Variants in DLGAP2 observed in about 807,000 individuals in gnomAD.
DLGAP2 encodes DLG associated protein 2, also known as disks large-associated protein 2.
Under a neutral mutation model 100.3 loss-of-function variants are expected in DLGAP2, and 26 were observed. The observed-to-expected ratio is 0.26, with a 90% CI of 0.19 to 0.36. DLGAP2 has a LOEUF of 0.36. Ranked by LOEUF, DLGAP2 falls within the 10% of genes least tolerant of loss-of-function variation. The pLI, the probability that DLGAP2 is intolerant of heterozygous loss-of-function variation, is 1.00. For synonymous variants in DLGAP2, 886 were observed against 630.1 expected (o/e 1.41, Z -6.08); for missense variants, 1,858 against 1,453.2 (o/e 1.28, Z -4.53).
chr8:1,245,680 A>G (rs1798887727), intron 2 of DLGAP2, among the ~76,000 whole-genome samples: 1 of 152,210 alleles, frequency 6.6e-6, no homozygotes, highest in Admixed American at 6.5e-5. Context: ...CAGCTCTGTG[A>G]GTATGCTATT....
At chr8:1,436,189 C>T (rs896831551) in intron 3 of DLGAP2, among the ~76,000 whole-genome samples, 65 of 152,248 alleles carry the variant, frequency 4.3e-4, no homozygotes, top group African/African-American at 1.3e-3. Context: ...GAAGCCAGTC[C>T]GAGGCCCAAA....
chr8:1,526,706 G>A (rs1219017743), intron 4 of DLGAP2, among the ~76,000 whole-genome samples: 1 of 152,192 alleles, frequency 6.6e-6, no homozygotes, highest in Non-Finnish European at 1.5e-5. Flanking sequence ...GAGGTTGCCA[G>A]GTATCCAGCC....
chr8:797,529 C>A (rs1037341459), intron 1 of DLGAP2, among the ~76,000 whole-genome samples: 1 of 152,112 alleles, frequency 6.6e-6, no homozygotes, highest in Admixed American at 6.6e-5. Flanking sequence ...TGAAGTCTTT[C>A]CATAGACATT....
chr8:1,270,975 A>G (rs979932192), intron 3 of DLGAP2, among the ~76,000 whole-genome samples: 2 of 152,196 alleles, frequency 1.3e-5, no homozygotes, highest in South Asian at 2.1e-4. Flanking sequence ...ACGTGTTGCA[A>G]AAAGGTAGAT....
At chr8:1,446,604 A>C (rs1584912975) in intron 3 of DLGAP2, among the ~76,000 whole-genome samples, 1 of 152,234 alleles carries the variant, frequency 6.6e-6, no homozygotes, top group Non-Finnish European at 1.5e-5. Context: ...TGAACTTTAA[A>C]GTAGTTTTTT....
chr8:1,660,423 T>G (rs1374572722), intron 8 of DLGAP2, among the ~76,000 whole-genome samples: 1 of 152,238 alleles, frequency 6.6e-6, no homozygotes, highest in African/African-American at 2.4e-5. Context: ...TATATGCATA[T>G]ACGCCCACTG....
intron 2 of DLGAP2, among the ~76,000 whole-genome samples, chr8:1,107,521 G>A (rs966796662): frequency 1.8e-4 from 27 of 152,290 alleles, no homozygotes; most frequent in African/African-American, 6.5e-4. Flanking sequence ...GGAGAGCCAG[G>A]GCCCCTCGCG....
At chr8:1,060,351 T>TG in intron 2 of DLGAP2, among the ~76,000 whole-genome samples, 2 of 72,822 alleles carry the variant, frequency 2.7e-5, no homozygotes, top group Non-Finnish European at 6.9e-5. Flanking sequence ...CGCTGAGTGC[T>TG]TGTGGATAGA....
chr8:1,659,079 T>C lies in DLGAP2; in HGVS notation c.1811-9250T>C, dbSNP rs146056211. 3.1e-3 allele frequency among the ~76,000 whole-genome samples: 476 copies of C among 152,314 alleles called. 3 individuals carry two copies. The highest frequency in any genetic ancestry group is 0.011 in the African/African-American group (451 of 41,568). On this transcript the variant is annotated intron_variant, in intron 8 of 14. Coordinates refer to ENST00000637795, the MANE Select transcript of DLGAP2 (RefSeq NM_001346810.2). ...TGGTTTCAAATAACTTATTTATTTC[T>C]GCCTTAATTTCGTTATTTACCCAGT...
At chr8:1,679,907 G>A (rs1015338344) in intron 12 of DLGAP2, among the ~76,000 whole-genome samples, 9 of 149,164 alleles carry the variant, frequency 6.0e-5, no homozygotes, top group African/African-American at 2.3e-4. Context: ...TTGAACCTGG[G>A]AGGCAGAGGT....
chr8:1,500,908 A>C (rs1799699350), intron 3 of DLGAP2, among the ~76,000 whole-genome samples: 1 of 152,188 alleles, frequency 6.6e-6, no homozygotes, highest in Admixed American at 6.5e-5. Context: ...AACATTGCAA[A>C]ATGAGGCTTC....
chr8:1,693,649 G>C (rs1799308928), intron 13 of DLGAP2, among the ~76,000 whole-genome samples: 1 of 152,200 alleles, frequency 6.6e-6, no homozygotes, highest in South Asian at 2.1e-4. Context: ...AAGCAAGCCA[G>C]AGTTGCCATC....
chr8:1,648,369 G>A (rs942819095), intron 8 of DLGAP2, among the ~76,000 whole-genome samples: 12 of 152,138 alleles, frequency 7.9e-5, no homozygotes, highest in African/African-American at 1.7e-4. Flanking sequence ...ATCTATAACC[G>A]ACATGTGCAA....
chr8:875,105 A>G (rs963254089), intron 1 of DLGAP2, among the ~76,000 whole-genome samples: 8 of 152,062 alleles, frequency 5.3e-5, no homozygotes, highest in African/African-American at 1.9e-4. Context: ...ATATTTTTCT[A>G]TCCTTTTACT....
At chr8:1,198,094 G>A (rs1435173429) in intron 2 of DLGAP2, among the ~76,000 whole-genome samples, 4 of 150,630 alleles carry the variant, frequency 2.7e-5, no homozygotes, top group Admixed American at 1.3e-4. Flanking sequence ...GTGTGGTTCT[G>A]TGTGTGTGTG....
At chr8:863,204 C>T (rs758463989) in intron 1 of DLGAP2, among the ~76,000 whole-genome samples, 1 of 152,094 alleles carries the variant, frequency 6.6e-6, no homozygotes, top group Non-Finnish European at 1.5e-5. Flanking sequence ...GTGGAAGGGG[C>T]AGTGGCAGGA....
At chr8:1,129,464 A>T (rs1796241073) in intron 2 of DLGAP2, among the ~76,000 whole-genome samples, 1 of 152,150 alleles carries the variant, frequency 6.6e-6, no homozygotes, top group Non-Finnish European at 1.5e-5. Context: ...AAGTGATTTT[A>T]TACTCTTCTG....
chr8:947,374 G>A (rs751079743), intron 2 of DLGAP2, among the ~76,000 whole-genome samples: 2 of 152,218 alleles, frequency 1.3e-5, no homozygotes, highest in South Asian at 4.1e-4. Flanking sequence ...CACACAGGAC[G>A]TAATTTTGCG....
intron 2 of DLGAP2, among the ~76,000 whole-genome samples, chr8:1,118,123 G>T (rs1157855742): frequency 6.6e-6 from 1 of 152,220 alleles, no homozygotes; most frequent in Admixed American, 6.5e-5. Context: ...AGAGGAGCGG[G>T]CGGAGTGGGG....
Sources: gnomAD v4.1 joint callset for allele counts (sites outside exome capture counted in the v4.1 genomes callset) on GRCh38, gnomAD v4.1.1 for gene constraint, MANE v1.5 for transcripts, NCBI Gene and HGNC (gene_info 2026-07-23, HGNC 2026-07-21) for gene names.